BRPF1: variants seen among roughly 807,000 people sequenced by gnomAD.
BRPF1 encodes bromodomain and PHD finger containing 1.
A neutral mutation model predicts 115.0 loss-of-function variants in BRPF1; 15 were observed. That is an observed-to-expected ratio of 0.13 (90% CI 0.09 to 0.20). The LOEUF (loss-of-function observed/expected upper bound fraction) is 0.20, where lower values mean the gene tolerates loss of function less well. Ranked by LOEUF, BRPF1 falls within the 10% of genes least tolerant of loss-of-function variation. The pLI, the probability that BRPF1 is intolerant of heterozygous loss-of-function variation, is 1.00. For missense variants in BRPF1, 1,118 were observed against 1,638.3 expected, an observed-to-expected ratio of 0.68 and a Z score of 5.48; for synonymous variants, 647 against 619.8, an observed-to-expected ratio of 1.04 and a Z score of -0.65.
chr3:9,734,323 C>T lies in BRPF1; in HGVS notation c.183C>T (p.His61=). The T allele has an allele frequency of 6.2e-7, 1 of 1,614,056 alleles. No individual in the cohort carries two copies. The highest frequency in any genetic ancestry group is 8.5e-7 in the Non-Finnish European group (1 of 1,180,016). The change falls in exon 2 of 14, where the codon CAC becomes CAT. Residue 61 remains histidine, a synonymous_variant. Transcript: ENST00000383829. This position sits in a 1 kb window ranked among gnomAD's most constrained non-coding sequence, Gnocchi z 5.7. ...CACAACAAACTCCACTCCGCAAGCA[C>T]AAGAAAAAGGGGCGCCAGTCACGCC... The part of the protein sequence containing the change: ...PPPQQTPLRK[H]KKKGRQSRPA...
rs552909877 is a variant in BRPF1, at chr3:9,744,566, A to G, written c.2920+58A>G. The G allele has an allele frequency of 1.0e-5, 13 of 1,296,454 alleles. No homozygotes were observed. The East Asian group carries it at 3.2e-4, about 32-fold the overall frequency. The allele number at this position is 1,296,454 out of a possible 1,614,324, so 80.3% of individuals were successfully genotyped here. ...AGTGAGCAAAGCTGCCATTCTTCCC[A>G]GCATACTCCCAGTTACCCCTTTATT... On this transcript the variant is annotated intron_variant, in intron 9 of 13. Coordinates refer to ENST00000383829, the MANE Select transcript of BRPF1 (RefSeq NM_001003694.2).
At position 9,734,756 on chromosome 3, in the gene BRPF1, C is replaced by T; in HGVS notation, c.599+17C>T. The T allele has an allele frequency of 1.2e-6, 2 of 1,611,682 alleles. No homozygotes were observed. Among genetic ancestry groups the T allele is most frequent in the Non-Finnish European group, 1.7e-6 (2 of 1,178,096 alleles). On this transcript the variant is annotated intron_variant, in intron 2 of 13. Coordinates refer to ENST00000383829, the MANE Select transcript of BRPF1 (RefSeq NM_001003694.2). The surrounding 1 kb of genome is among the most constrained non-coding windows in gnomAD (Gnocchi z 5.7). The stretch of plus-strand genomic sequence containing the variant: ...CTATTACCGGTAAGGCCACCTCTAC[C>T]TTGCAGCTCTGGAAAACTGGTCAAG...
chr3:9,733,345 C>T (rs1291767815), intron 1 of BRPF1: 1 of 152,222 alleles, frequency 6.6e-6, no homozygotes, highest in Non-Finnish European at 1.5e-5. Context: ...TCTGGTGATC[C>T]CCTCATTCAG....
At chr3:9,736,299 C>T (rs1038680674) in intron 2 of BRPF1, among the ~76,000 whole-genome samples, 3 of 152,198 alleles carry the variant, frequency 2.0e-5, no homozygotes, top group Non-Finnish European at 2.9e-5. Flanking sequence ...AGCCACCGCG[C>T]CCGGCCTAAA....
At position 9,745,120 on chromosome 3, in the gene BRPF1, C is replaced by T; in HGVS notation, c.3033C>T (p.Ser1011=). 6.2e-7 allele frequency: 1 copy of T among 1,614,222 alleles called. No homozygotes were observed. Residue 1011 remains serine (S), a synonymous_variant, in exon 10 of 14, where the codon AGC becomes AGT. Transcript: ENST00000383829. The surrounding 1 kb of genome is among the most constrained non-coding windows in gnomAD (Gnocchi z 5.1). ...GCAGCTCAGACTCTGAGTCCAGCAGCAGTAGCAGTAGCAGCGCTGCTTCAG... is the reference window on the plus strand; with the variant it reads ...GCAGCTCAGACTCTGAGTCCAGCAGTAGTAGCAGTAGCAGCGCTGCTTCAG... ...PRSSSDSESS[S]SSSSSAASDR...
chr3:9,747,892 G>C lies in BRPF1; in HGVS notation c.*543G>C, dbSNP rs978028345. 1 of 144,868 alleles carries C rather than the reference G, an allele frequency of 6.9e-6. No individual in the cohort carries two copies. The highest frequency in any genetic ancestry group is 2.5e-5 in the African/African-American group (1 of 39,542). The allele number at this position is 144,868 out of a possible 1,614,324, so 9.0% of individuals were successfully genotyped here. A position where few individuals can be genotyped will look rare whatever the true frequency, so the allele number is the denominator to read the frequency against. On this transcript the variant is annotated 3_prime_UTR_variant, in exon 14 of 14. Transcript: ENST00000383829. This position sits in a 1 kb window ranked among gnomAD's most constrained non-coding sequence, Gnocchi z 5.6. ...TGGTACTAAAAAAAAAAAAAAAAAA[G>C]ACTGGGGGCTGTCCCCATTTCCCTT... is the stretch of plus-strand genomic sequence containing the variant.
At position 9,734,872 on chromosome 3, in the gene BRPF1, A is replaced by G; in HGVS notation, c.599+133A>G. Reference sequence around the variant, plus strand: ...GAAAGAACACTGATTTTGCCAGGGCAGTGAGTGGAATGGTACGCCACTAAT... The same window carrying G: ...GAAAGAACACTGATTTTGCCAGGGCGGTGAGTGGAATGGTACGCCACTAAT... On this transcript the variant is annotated intron_variant, in intron 2 of 13. Coordinates refer to ENST00000383829, the MANE Select transcript of BRPF1 (RefSeq NM_001003694.2). This position sits in a 1 kb window ranked among gnomAD's most constrained non-coding sequence, Gnocchi z 5.7. 8.8e-7 allele frequency: 1 copy of G among 1,137,022 alleles called. No individual in the cohort carries two copies. Among genetic ancestry groups the G allele is most frequent in the Non-Finnish European group, 1.2e-6 (1 of 803,062 alleles). The allele number at this position is 1,137,022 out of a possible 1,614,324, so 70.4% of individuals were successfully genotyped here.
chr3:9,740,984 GGGGGACGAA>G (rs2077019210), intron 4 of BRPF1, 43 bp downstream of exon 4: 1 of 1,575,750 alleles, frequency 6.3e-7, no homozygotes, highest in South Asian at 1.1e-5. Context: ...ACTAGCGCCA[GGGGGACGAA>G]AACCAAAATT....
Position 9,744,239 on chromosome 3 carries a change from T to C in BRPF1, c.2651T>C (p.Met884Thr). Residue 884 changes from methionine to threonine, a missense_variant, in exon 9 of 14, where the codon ATG becomes ACG. Around this residue, in one of 10 missense-constraint regions of BRPF1, gnomAD observed 223 missense variants for 240.7 expected, o/e 0.93. Transcript: ENST00000383829. ...TCTGCTCCAGGCCTGGGTCCCAACATGTCCTCAACCCCCGCACATGAGGTG... is the reference window on the plus strand; with the variant it reads ...TCTGCTCCAGGCCTGGGTCCCAACACGTCCTCAACCCCCGCACATGAGGTG... ...QETSKGLGPN[M>T]SSTPAHEVGR... is the part of the protein sequence containing the mutation. 5 of 1,544,422 alleles carry C rather than the reference T, an allele frequency of 3.2e-6. No individual in the cohort carries two copies. The highest frequency in any genetic ancestry group is 4.4e-6 in the Non-Finnish European group (5 of 1,147,076).
Position 9,734,085 on chromosome 3 carries a change from C to T in BRPF1, c.-10-46C>T, listed in dbSNP as rs1294443883. 5 of 1,528,422 alleles carry T rather than the reference C, an allele frequency of 3.3e-6. No homozygotes were observed. The East Asian group carries it at 1.1e-4, about 35-fold the overall frequency. 94.7% of individuals were successfully genotyped at this position (1,528,422 alleles called of 1,614,324 possible). On this transcript the variant is annotated intron_variant, in intron 1 of 13. Coordinates refer to ENST00000383829, the MANE Select transcript of BRPF1 (RefSeq NM_001003694.2). The surrounding 1 kb of genome is among the most constrained non-coding windows in gnomAD (Gnocchi z 5.7). ...GACTGGGGTCTCTGGTGCAAATGGC[C>T]AGGAACTCATCCCCAGCCTTATGTT...
chr3:9,740,732 G>A (rs1559661245), intron 3 of BRPF1, 47 bp from the exon 4 acceptor site: 3 of 1,604,868 alleles, frequency 1.9e-6, no homozygotes, highest in East Asian at 2.2e-5. Context: ...CTCTGCTTAA[G>A]AGAATCAGGG....
chr3:9,742,613 C>T (rs557901778), intron 6 of BRPF1: 2 of 925,476 alleles, frequency 2.2e-6, no homozygotes, highest in African/African-American at 3.6e-5. Context: ...TGTAGGAATG[C>T]AAGGTGGTGT....
Position 9,745,652 on chromosome 3 carries a change from T to C in BRPF1, c.3148T>C (p.Ser1050Pro), listed in dbSNP as rs2077111365. Reference protein sequence around the residue: ...TFPEDSSEDTSGTENEAYSVG... With the variant: ...TFPEDSSEDTPGTENEAYSVG... ...CCCAGAGGACAGCAGTGAGGATACC[T>C]CAGGCACTGAGAATGAGGCCTACTC... The change falls in exon 11 of 14, where the codon TCA becomes CCA. Residue 1050 changes from serine to proline, a missense_variant. By Grantham distance (74) the Ser-to-Pro change is moderately conservative. Transcript: ENST00000383829. This position sits in a 1 kb window ranked among gnomAD's most constrained non-coding sequence, Gnocchi z 5.1. The C allele has an allele frequency of 1.2e-6, 2 of 1,614,096 alleles. No individual in the cohort carries two copies. The highest frequency in any genetic ancestry group is 1.1e-5 in the South Asian group (1 of 91,094).
At chr3:9,746,528 G>A in intron 13 of BRPF1, 74 bp downstream of exon 13, 2 of 1,424,684 alleles carry the variant, frequency 1.4e-6, no homozygotes, top group Non-Finnish European at 1.9e-6. Flanking sequence ...AGACTGCCAG[G>A]AAACTCCAGC....
At position 9,739,391 on chromosome 3, in the gene BRPF1, C is replaced by A; in HGVS notation, c.992C>A (p.Ala331Asp). The change falls in exon 3 of 14, where the codon GCC becomes GAC. Residue 331 changes from alanine (A) to aspartate (D), a missense_variant. Physicochemically the swap from Ala to Asp is moderately radical, Grantham distance 126. Coordinates refer to ENST00000383829, the MANE Select transcript of BRPF1 (RefSeq NM_001003694.2). ...TCACCCTCTCGTGCTGTGGATTGTG[C>A]CCTGTGCCCCAACAAGGGCGGTGCC... is the stretch of plus-strand genomic sequence containing the variant. ...LQSPSRAVDC[A>D]LCPNKGGAFK... The A allele has an allele frequency of 6.2e-7, 1 of 1,614,178 alleles. No homozygotes were observed. Among genetic ancestry groups the A allele is most frequent in the Non-Finnish European group, 8.5e-7 (1 of 1,180,040 alleles).
At chr3:9,742,307 C>CACAT (rs1404312612) in intron 6 of BRPF1, 136 bp downstream of exon 6, 1 of 1,497,238 alleles carries the variant, frequency 6.7e-7, no homozygotes, top group Non-Finnish European at 8.8e-7. Flanking sequence ...GAACTGGAGC[C>CACAT]ACATGTATCA....
chr3:9,744,976 T>A, intron 9 of BRPF1, 32 bp from the exon 10 acceptor site: 2 of 1,613,882 alleles, frequency 1.2e-6, no homozygotes, highest in Non-Finnish European at 1.7e-6. Context: ...TCCTGACCGG[T>A]TCCTTCCCTC....
intron 9 of BRPF1, among the ~76,000 whole-genome samples, chr3:9,744,710 G>A (rs1442701623): frequency 1.3e-5 from 2 of 152,170 alleles, no homozygotes; most frequent in Non-Finnish European, 2.9e-5. Flanking sequence ...TCCCATCCAG[G>A]GCCCCCTGCC....
chr3:9,743,927 C>T lies in BRPF1; in HGVS notation c.2635+26C>T, dbSNP rs1206417247. 6.5e-7 allele frequency: 1 copy of T among 1,539,542 alleles called. No individual in the cohort carries two copies. On this transcript the variant is annotated intron_variant, in intron 8 of 13. Coordinates refer to ENST00000383829, the MANE Select transcript of BRPF1 (RefSeq NM_001003694.2). The surrounding 1 kb of genome is among the most constrained non-coding windows in gnomAD (Gnocchi z 6.1). ...GTCTGAATCCCATGGCAAGGTGGAC[C>T]CCAAAGCAAGTCAGACTTTGGCTCT... is the stretch of plus-strand genomic sequence containing the variant.
Sources: allele counts gnomAD v4.1 joint callset (sites outside exome capture counted in the v4.1 genomes callset), GRCh38; gene constraint gnomAD v4.1.1; regional missense constraint gnomAD v4.1.1; non-coding constraint Gnocchi (gnomAD v3.1); transcripts MANE v1.5; gene names NCBI Gene and HGNC (gene_info 2026-07-23, HGNC 2026-07-21).